The following KCNH7 variants were observed in gnomAD, a reference collection of about 807,000 sequenced individuals.
The protein encoded by KCNH7 is voltage-gated inwardly rectifying potassium channel KCNH7.
A neutral mutation model predicts 120.8 loss-of-function variants in KCNH7; 49 were observed. That is an observed-to-expected ratio of 0.41 (90% CI 0.32 to 0.51). The LOEUF is 0.51. Among genes scored for constraint, KCNH7 ranks in the 20% least tolerant of loss-of-function variants. KCNH7 has a pLI of 0.38. For missense variants in KCNH7, 1,097 were observed against 1,446.6 expected, an observed-to-expected ratio of 0.76 and a Z score of 3.92; for synonymous variants, 547 against 516.1, an observed-to-expected ratio of 1.06 and a Z score of -0.81.
chr2:162,590,972 T>C (rs1235004262), intron 2 of KCNH7, among the ~76,000 whole-genome samples: 3 of 152,096 alleles, frequency 2.0e-5, no homozygotes, highest in Admixed American at 2.0e-4. Context: ...CATCATCTCC[T>C]ACCACTCAGT....
chr2:162,783,634 C>T (rs1051729483), intron 2 of KCNH7, among the ~76,000 whole-genome samples: 4 of 152,170 alleles, frequency 2.6e-5, no homozygotes, highest in Non-Finnish European at 4.4e-5. Flanking sequence ...GATATATTTG[C>T]TAGTCTGATG....
At chr2:162,687,466 A>T (rs1245312260) in intron 2 of KCNH7, among the ~76,000 whole-genome samples, 1 of 152,202 alleles carries the variant, frequency 6.6e-6, no homozygotes, top group Non-Finnish European at 1.5e-5. Flanking sequence ...TTATTATTAT[A>T]TATGCCTTTG....
chr2:162,797,305 ACACT>A (rs1284360572), intron 2 of KCNH7: 2 of 152,018 alleles, frequency 1.3e-5, no homozygotes, highest in East Asian at 3.9e-4. Context: ...CTTGCTGAAA[ACACT>A]CAAGTCACCT....
chr2:162,381,385 G>T (rs541078026), intron 13 of KCNH7, among the ~76,000 whole-genome samples: 1 of 152,198 alleles, frequency 6.6e-6, no homozygotes, highest in Non-Finnish European at 1.5e-5. Context: ...ACTCCTCAAA[G>T]TTCCTTCCTT....
intron 5 of KCNH7, among the ~76,000 whole-genome samples, chr2:162,509,547 G>A (rs1231354619): frequency 6.6e-6 from 1 of 151,564 alleles, no homozygotes; most frequent in African/African-American, 2.4e-5. Flanking sequence ...CTATCAATAA[G>A]TATAAGGCAA....
At chr2:162,392,171 C>T (rs1573906103) in intron 12 of KCNH7, among the ~76,000 whole-genome samples, 1 of 151,940 alleles carries the variant, frequency 6.6e-6, no homozygotes. Context: ...AGAAGCTTTA[C>T]ATTTGAGGAG....
chr2:162,685,661 C>T (rs894730706), intron 2 of KCNH7, among the ~76,000 whole-genome samples: 6 of 151,194 alleles, frequency 4.0e-5, no homozygotes, highest in South Asian at 2.1e-4. Flanking sequence ...GGATATATTA[C>T]GTTTTACAGC....
chr2:162,582,639 T>G (rs943567250), intron 2 of KCNH7, among the ~76,000 whole-genome samples: 1 of 152,104 alleles, frequency 6.6e-6, no homozygotes, highest in African/African-American at 2.4e-5. Context: ...GCCTTGGCAC[T>G]GTGAGACGAT....
intron 6 of KCNH7, among the ~76,000 whole-genome samples, chr2:162,469,577 T>A (rs1394723460): frequency 1.3e-5 from 2 of 152,188 alleles, no homozygotes; most frequent in African/African-American, 4.8e-5. Context: ...AAGAGTACGT[T>A]CCACTATCAA....
At chr2:162,568,700 T>C (rs1693348867) in intron 2 of KCNH7, among the ~76,000 whole-genome samples, 1 of 151,912 alleles carries the variant, frequency 6.6e-6, no homozygotes, top group Non-Finnish European at 1.5e-5. Context: ...AAATACAAAA[T>C]ATATATAAGA....
intron 2 of KCNH7, among the ~76,000 whole-genome samples, chr2:162,719,240 T>C (rs1411752503): frequency 6.6e-6 from 1 of 152,078 alleles, no homozygotes; most frequent in African/African-American, 2.4e-5. Context: ...TTGTAAAATA[T>C]TGTATACAGT....
At chr2:162,701,052 G>A (rs1200817220) in intron 2 of KCNH7, among the ~76,000 whole-genome samples, 1 of 152,120 alleles carries the variant, frequency 6.6e-6, no homozygotes, top group East Asian at 1.9e-4. Context: ...TATAAGGAAG[G>A]ACAATCACAT....
rs573298526 is a variant in KCNH7 at position 162,490,436 on chromosome 2, A to G, written c.1128+14007T>C. 1.1e-4 allele frequency among the ~76,000 whole-genome samples: 17 copies of G among 152,340 alleles called. No homozygotes were observed. The South Asian group carries it at 3.1e-3, about 28-fold the overall frequency. On this transcript the variant is annotated intron_variant, in intron 6 of 15. Coordinates refer to ENST00000332142, the MANE Select transcript of KCNH7 (RefSeq NM_033272.4). ...CTCCACTCACTCTTCAAGCCTCCGC[A>G]TGCCTACTTCTTCCTGGTTGTAAGA...
At chr2:162,415,527 G>C (rs1311852453) in intron 9 of KCNH7, among the ~76,000 whole-genome samples, 1 of 152,072 alleles carries the variant, frequency 6.6e-6, no homozygotes, top group Non-Finnish European at 1.5e-5. Flanking sequence ...TTTACTGTTT[G>C]ATAATTTACA....
At chr2:162,453,409 T>C (rs1688840552) in intron 6 of KCNH7, among the ~76,000 whole-genome samples, 1 of 152,196 alleles carries the variant, frequency 6.6e-6, no homozygotes, top group East Asian at 1.9e-4. Context: ...TTGTGAATAG[T>C]GCTGCAATGA....
chr2:162,561,057 T>A (rs1170460591), intron 2 of KCNH7, among the ~76,000 whole-genome samples: 2 of 152,122 alleles, frequency 1.3e-5, no homozygotes, highest in South Asian at 2.1e-4. Context: ...ATAACCTTTT[T>A]TTTTTTTTAC....
chr2:162,422,766 G>T (rs796846581), intron 9 of KCNH7, among the ~76,000 whole-genome samples: 4 of 152,136 alleles, frequency 2.6e-5, no homozygotes, highest in South Asian at 4.2e-4. Flanking sequence ...AAGGAAAGAC[G>T]CATTAAACCA....
chr2:162,814,628 G>A (rs1368622408), intron 2 of KCNH7, among the ~76,000 whole-genome samples: 1 of 152,118 alleles, frequency 6.6e-6, no homozygotes, highest in Non-Finnish European at 1.5e-5. Context: ...AGGGTGTCCT[G>A]CTATCAATTA....
At chr2:162,604,690 C>T (rs1045783754) in intron 2 of KCNH7, among the ~76,000 whole-genome samples, 1 of 152,064 alleles carries the variant, frequency 6.6e-6, no homozygotes, top group Non-Finnish European at 1.5e-5. Flanking sequence ...ATCTGGAGGT[C>T]TTCCTCTTCC....
Sources: allele counts gnomAD v4.1 joint callset (sites outside exome capture counted in the v4.1 genomes callset), GRCh38; gene constraint gnomAD v4.1.1; transcripts MANE v1.5; gene names NCBI Gene and HGNC (gene_info 2026-07-23, HGNC 2026-07-21).